The following SLC9B2 variants were observed in gnomAD, a reference collection of about 807,000 sequenced individuals.
SLC9B2 encodes solute carrier family 9 member B2, also known as sodium/hydrogen exchanger 9B2.
A neutral mutation model predicts 52.2 loss-of-function variants in SLC9B2; 39 were observed. That is an observed-to-expected ratio of 0.75 (90% confidence interval 0.58 to 0.98). The LOEUF (loss-of-function observed/expected upper bound fraction) is 0.98, where lower values mean the gene tolerates loss of function less well. Ranked by LOEUF, SLC9B2 falls within the 50% of genes least tolerant of loss-of-function variation. The pLI is 0.00. For missense variants in SLC9B2, 626 were observed against 637.5 expected (o/e 0.98, Z 0.19); for synonymous variants, 214 against 227.0 (o/e 0.94, Z 0.51).
chr4:103,026,518 T>C lies in SLC9B2; in HGVS notation c.1466A>G (p.Asp489Gly). The change falls in exon 12 of 12, where the codon GAT becomes GGT. Residue 489 changes from aspartate (D) to glycine (G), a missense_variant. Coordinates refer to ENST00000394785, the MANE Select transcript of SLC9B2 (RefSeq NM_178833.7). ...GEKQLEDYGM[D>G]VLTVAFLSIL... The stretch of plus-strand genomic sequence containing the variant: ...GGACAAAAATGCCACTGTCAACACA[T>C]CCATTCCATAGTCTTCTAATTGTTT... 6.2e-7 allele frequency: 1 copy of C among 1,613,894 alleles called. No homozygotes were observed. The highest frequency in any genetic ancestry group is 8.5e-7 in the Non-Finnish European group (1 of 1,179,858).
At chr4:103,075,732 T>G (rs1328634044) in intron 1 of SLC9B2, among the ~76,000 whole-genome samples, 2 of 152,194 alleles carry the variant, frequency 1.3e-5, no homozygotes, top group Non-Finnish European at 2.9e-5. Flanking sequence ...TCTTAGGGGA[T>G]AGCAAAGCCA....
chr4:103,022,402 C>T lies in SLC9B2; in HGVS notation c.*3968G>A, dbSNP rs897672767. Among the ~76,000 whole-genome samples the T allele has an allele frequency of 6.6e-6, 1 of 152,094 alleles. No homozygotes were observed. The highest frequency in any genetic ancestry group is 2.4e-5 in the African/African-American group (1 of 41,406). On this transcript the variant is annotated 3_prime_UTR_variant, in exon 12 of 12. Coordinates refer to ENST00000394785, the MANE Select transcript of SLC9B2 (RefSeq NM_178833.7). ...TGAAATACTTATGTTGCCTTTCACC[C>T]AACAAATTCAGTTGATGATATATCT...
Position 103,050,281 on chromosome 4 carries a change from A to T in SLC9B2, c.544T>A (p.Ser182Thr). The change falls in exon 5 of 12, where the codon TCT becomes ACT. Residue 182 changes from serine (S) to threonine (T), a missense_variant. Physicochemically the swap from Ser to Thr is moderately conservative, Grantham distance 58. Transcript: ENST00000394785. ...AGGCCAGCACGAACCAGAATGATAG[A>T]CAGGGCTATGCTTCTCAAAGAGGAA... ...WSSSLRSIAL[S>T]IILVRAGLGL... 6.2e-7 allele frequency: 1 copy of T among 1,607,318 alleles called. No homozygotes were observed. The highest frequency in any genetic ancestry group is 1.1e-5 in the South Asian group (1 of 89,782).
Position 103,050,266 on chromosome 4 carries a change from G to T in SLC9B2, c.559C>A (p.Arg187Ser). Residue 187 changes from arginine to serine, a missense_variant, in exon 5 of 12, where the codon CGT becomes AGT. Arg to Ser is a moderately radical substitution (Grantham distance 110, BLOSUM62 -1). Coordinates refer to ENST00000394785, the MANE Select transcript of SLC9B2 (RefSeq NM_178833.7). ...TTTGAATCCAGACCAAGGCCAGCAC[G>T]AACCAGAATGATAGACAGGGCTATG... ...RSIALSIILV[R>S]AGLGLDSKAL... The T allele has an allele frequency of 6.2e-7, 1 of 1,600,776 alleles. No individual in the cohort carries two copies. Among genetic ancestry groups the T allele is most frequent in the Non-Finnish European group, 8.5e-7 (1 of 1,175,064 alleles).
chr4:103,021,032 ATTATAGGGTTAAGGAAATG>A (rs1414337257), downstream of SLC9B2, among the ~76,000 whole-genome samples: 1 of 152,106 alleles, frequency 6.6e-6, no homozygotes, highest in Non-Finnish European at 1.5e-5. Context: ...GGGTTTCATG[ATTATAGGGTTAAGGAAATG>A]TTTTGTACTC....
intron 1 of SLC9B2, among the ~76,000 whole-genome samples, chr4:103,070,558 G>A (rs1040890774): frequency 5.9e-5 from 9 of 151,942 alleles, no homozygotes; most frequent in Non-Finnish European, 1.2e-4. Flanking sequence ...CTCCTGCCTC[G>A]GCCTTCTGAG....
downstream of SLC9B2, among the ~76,000 whole-genome samples, chr4:103,021,515 C>T (rs1388680700): frequency 6.6e-6 from 1 of 151,934 alleles, no homozygotes; most frequent in Non-Finnish European, 1.5e-5. Context: ...ATCTGATAAC[C>T]TTTCTTATAA....
intron 6 of SLC9B2, 33 bp downstream of exon 6, chr4:103,048,860 C>A: frequency 6.2e-7 from 1 of 1,609,668 alleles, no homozygotes; most frequent in African/African-American, 1.3e-5. Flanking sequence ...AATGTCCCTA[C>A]ATATTTTCAT....
intron 9 of SLC9B2, 63 bp downstream of exon 9, chr4:103,043,233 G>A (rs1743785720): frequency 1.4e-6 from 2 of 1,468,260 alleles, no homozygotes; most frequent in Admixed American, 2.5e-5. Context: ...GAAAGTATCT[G>A]GAAAGCCAAC....
chr4:103,070,905 T>G (rs932442327), intron 1 of SLC9B2, among the ~76,000 whole-genome samples: 2 of 152,024 alleles, frequency 1.3e-5, no homozygotes, highest in African/African-American at 2.4e-5. Flanking sequence ...GACAGCAATC[T>G]AAGAGTCATT....
downstream of SLC9B2, chr4:103,019,672 G>A (rs1021268883): frequency 3.6e-5 from 35 of 985,486 alleles, no homozygotes; most frequent in African/African-American, 5.2e-4. Flanking sequence ...TAAGCCACGC[G>A]CCACCCAGGT....
At chr4:103,036,391 A>AG (rs1052692343) in intron 9 of SLC9B2, among the ~76,000 whole-genome samples, 3 of 152,160 alleles carry the variant, frequency 2.0e-5, no homozygotes, top group African/African-American at 7.2e-5. Context: ...GGGTGGCAGG[A>AG]GGGGGAGGAT....
intron 6 of SLC9B2, 28 bp from the exon 7 acceptor site, chr4:103,047,254 T>G: frequency 6.3e-7 from 1 of 1,577,748 alleles, no homozygotes; most frequent in African/African-American, 1.3e-5. Flanking sequence ...TAAACATTTA[T>G]GATAACATCT....
intron 9 of SLC9B2, among the ~76,000 whole-genome samples, chr4:103,032,250 T>C (rs1411534358): frequency 6.6e-6 from 1 of 152,180 alleles, no homozygotes. Flanking sequence ...TGCATAGTGA[T>C]CTACAGTATA....
At position 103,025,430 on chromosome 4, in the gene SLC9B2, T is replaced by A. The variant is rs1259848644; in HGVS notation, c.*940A>T. 2 of 152,162 alleles carry A rather than the reference T, an allele frequency of 1.3e-5. No individual in the cohort carries two copies. Among genetic ancestry groups the A allele is most frequent in the Non-Finnish European group, 2.9e-5 (2 of 68,018 alleles). The allele number at this position is 152,162 out of a possible 1,614,324, so 9.4% of individuals were successfully genotyped here. A position where few individuals can be genotyped will look rare whatever the true frequency, so the allele number is the denominator to read the frequency against. Reference sequence around the variant, plus strand: ...GGCAGAGCTTCAGGACAGAAAGACATGGGACTCTGAGCAGACCTCATAAGC... The same window carrying A: ...GGCAGAGCTTCAGGACAGAAAGACAAGGGACTCTGAGCAGACCTCATAAGC... On this transcript the variant is annotated 3_prime_UTR_variant, in exon 12 of 12. Transcript: ENST00000394785.
At chr4:103,043,502 T>C (rs1251657938) in intron 8 of SLC9B2, 57 bp from the exon 9 acceptor site, 2 of 1,497,392 alleles carry the variant, frequency 1.3e-6, no homozygotes, top group Non-Finnish European at 1.8e-6. Flanking sequence ...TTTTTAATGA[T>C]TGATTTTTTC....
At chr4:103,065,163 A>C (rs1746002104) in intron 3 of SLC9B2, among the ~76,000 whole-genome samples, 1 of 136,534 alleles carries the variant, frequency 7.3e-6, no homozygotes, top group African/African-American at 2.8e-5. Flanking sequence ...TCCATGAAAA[A>C]AAAAATGTAC....
intron 9 of SLC9B2, among the ~76,000 whole-genome samples, chr4:103,039,859 G>A (rs1743488623): frequency 6.6e-6 from 1 of 151,848 alleles, no homozygotes. Flanking sequence ...TGCTGGCCAG[G>A]CTGGTCTCGA....
chr4:103,046,969 A>G, intron 7 of SLC9B2, 82 bp downstream of exon 7: 1 of 1,478,382 alleles, frequency 6.8e-7, no homozygotes, highest in Non-Finnish European at 9.2e-7. Context: ...TCAATTATCA[A>G]GCAAATATGT....
Sources: gnomAD v4.1 joint callset for allele counts (sites outside exome capture counted in the v4.1 genomes callset) on GRCh38, gnomAD v4.1.1 for gene constraint, MANE v1.5 for transcripts, NCBI Gene and HGNC (gene_info 2026-07-23, HGNC 2026-07-21) for gene names.